ASIC2: variants seen among roughly 807,000 people sequenced by gnomAD.
ASIC2 encodes acid-sensing ion channel 2.
A neutral mutation model predicts 57.3 loss-of-function variants in ASIC2; 25 were observed. The ratio of observed to expected loss-of-function variants is 0.44; its 90% CI spans 0.32 to 0.61. The LOEUF (loss-of-function observed/expected upper bound fraction) is 0.61. Among genes scored for constraint, ASIC2 ranks in the 20% least tolerant of loss-of-function variants. The probability of loss-of-function intolerance (pLI) is 0.06; values close to 1 mark genes in which losing one functional copy is unlikely to be tolerated. For missense variants in ASIC2, 641 were observed against 738.1 expected, an observed-to-expected ratio of 0.87 and a Z score of 1.52; for synonymous variants, 319 against 307.5, an observed-to-expected ratio of 1.04 and a Z score of -0.39.
At chr17:33,492,715 G>A (rs1913800402) in intron 1 of ASIC2, among the ~76,000 whole-genome samples, 1 of 152,208 alleles carries the variant, frequency 6.6e-6, no homozygotes, top group South Asian at 2.1e-4. Context: ...TGGCACTGGT[G>A]AGCTGGGGGG....
chr17:33,461,628 G>A (rs1425731152), intron 1 of ASIC2, among the ~76,000 whole-genome samples: 2 of 152,060 alleles, frequency 1.3e-5, no homozygotes, highest in Non-Finnish European at 1.5e-5. Context: ...TTCTAAGAGG[G>A]TCCTGACTGA....
intron 1 of ASIC2, among the ~76,000 whole-genome samples, chr17:34,051,476 G>A (rs972414472): frequency 2.6e-5 from 4 of 152,238 alleles, no homozygotes; most frequent in African/African-American, 4.8e-5. Flanking sequence ...AGTAGAAAAT[G>A]TGTATGAAAT....
At chr17:33,221,079 TAAA>T (rs1250865909) in intron 1 of ASIC2, among the ~76,000 whole-genome samples, 4 of 151,684 alleles carry the variant, frequency 2.6e-5, no homozygotes, top group African/African-American at 9.7e-5. Flanking sequence ...TCAAAAAAAA[TAAA>T]ATAAAGTAAA....
At chr17:33,854,930 G>A (rs1404632847) in intron 1 of ASIC2, among the ~76,000 whole-genome samples, 1 of 152,140 alleles carries the variant, frequency 6.6e-6, no homozygotes, top group African/African-American at 2.4e-5. Context: ...AGTTTCCTCT[G>A]GTTGCCAGGC....
At chr17:34,139,704 A>G (rs1303400687) in intron 1 of ASIC2, among the ~76,000 whole-genome samples, 1 of 152,202 alleles carries the variant, frequency 6.6e-6, no homozygotes, top group Non-Finnish European at 1.5e-5. Flanking sequence ...CCAGAATGGG[A>G]AAATCTATAG....
intron 1 of ASIC2, among the ~76,000 whole-genome samples, chr17:33,193,756 G>A (rs1005666564): frequency 6.2e-4 from 94 of 152,264 alleles, no homozygotes; most frequent in African/African-American, 2.3e-3. Flanking sequence ...ATTCCGACAA[G>A]CTCCAGGGTG....
chr17:33,219,050 C>T (rs191246643), intron 1 of ASIC2, among the ~76,000 whole-genome samples: 10 of 152,148 alleles, frequency 6.6e-5, no homozygotes, highest in African/African-American at 2.4e-4. Flanking sequence ...TTTGTGCAAA[C>T]GAGACCAGAA....
chr17:33,444,150 T>C (rs992346493), intron 1 of ASIC2, among the ~76,000 whole-genome samples: 4 of 152,240 alleles, frequency 2.6e-5, no homozygotes, highest in Non-Finnish European at 5.9e-5. Flanking sequence ...ATGGTTGTTT[T>C]TGACAGTATT....
chr17:33,087,750 G>A (rs1039848111), intron 3 of ASIC2, among the ~76,000 whole-genome samples: 7 of 150,750 alleles, frequency 4.6e-5, no homozygotes, highest in African/African-American at 1.7e-4. Context: ...GTAGAGATAA[G>A]GTCTCATAAT....
intron 1 of ASIC2, chr17:34,038,298 C>A (rs1907969679): frequency 6.2e-7 from 1 of 1,609,850 alleles, no homozygotes; most frequent in Non-Finnish European, 8.5e-7. Context: ...TCATTTCCCT[C>A]ACAGTATTCT....
intron 1 of ASIC2, among the ~76,000 whole-genome samples, chr17:33,872,467 A>G (rs575224666): frequency 1.3e-5 from 2 of 152,274 alleles, no homozygotes; most frequent in East Asian, 1.9e-4. Flanking sequence ...TTCAGATTCT[A>G]GTGATACAGA....
At chr17:33,019,062 G>A (rs1270906955) in intron 7 of ASIC2, among the ~76,000 whole-genome samples, 2 of 152,090 alleles carry the variant, frequency 1.3e-5, no homozygotes, top group African/African-American at 2.4e-5. Context: ...TCCCATCACC[G>A]CTCCCTCTCA....
At chr17:33,930,921 GTTTA>G (rs1375724000) in intron 1 of ASIC2, among the ~76,000 whole-genome samples, 13 of 147,396 alleles carry the variant, frequency 8.8e-5, no homozygotes, top group South Asian at 4.2e-4. Context: ...TTGTTTGTTT[GTTTA>G]TTTATTTATT....
intron 1 of ASIC2, among the ~76,000 whole-genome samples, chr17:34,138,758 T>A (rs1255016048): frequency 6.6e-6 from 1 of 152,164 alleles, no homozygotes; most frequent in Non-Finnish European, 1.5e-5. Context: ...CTACCAACCT[T>A]CGCTCTCTCC....
intron 1 of ASIC2, among the ~76,000 whole-genome samples, chr17:33,188,228 A>C (rs944069689): frequency 2.0e-5 from 3 of 152,130 alleles, no homozygotes; most frequent in African/African-American, 7.2e-5. Context: ...GCAAAAGAAA[A>C]GATCAGTGAC....
chr17:33,142,144 T>G (rs1186423120), intron 1 of ASIC2, among the ~76,000 whole-genome samples: 1 of 152,180 alleles, frequency 6.6e-6, no homozygotes, highest in African/African-American at 2.4e-5. Flanking sequence ...TTCTGAGAGC[T>G]CCATACATAG....
At chr17:33,389,523 C>T (rs1019067659) in intron 1 of ASIC2, among the ~76,000 whole-genome samples, 1 of 152,170 alleles carries the variant, frequency 6.6e-6, no homozygotes, top group Non-Finnish European at 1.5e-5. Flanking sequence ...GGCAGGGTTT[C>T]AGCTAATATG....
chr17:34,013,217 A>T (rs1429113718), intron 1 of ASIC2, among the ~76,000 whole-genome samples: 1 of 152,194 alleles, frequency 6.6e-6, no homozygotes, highest in Non-Finnish European at 1.5e-5. Context: ...AGGAGTCTCC[A>T]TGTCAACAGG....
chr17:33,882,658 G>T (rs994171447), intron 1 of ASIC2, among the ~76,000 whole-genome samples: 2 of 152,194 alleles, frequency 1.3e-5, no homozygotes, highest in African/African-American at 4.8e-5. Flanking sequence ...TACACTGTTG[G>T]TGGGACTGTA....
Sources: allele counts gnomAD v4.1 joint callset (sites outside exome capture counted in the v4.1 genomes callset), GRCh38; gene constraint gnomAD v4.1.1; transcripts MANE v1.5; gene names NCBI Gene and HGNC (gene_info 2026-07-23, HGNC 2026-07-21).